MGAT4A: variants seen among roughly 807,000 people sequenced by gnomAD.
The protein encoded by MGAT4A is N-acetylglucosaminyltransferase IVa.
MGAT4A carries 33 observed loss-of-function variants against 74.1 expected under a neutral mutation model. That is an observed-to-expected ratio of 0.45 (90% CI 0.34 to 0.60). MGAT4A has a LOEUF of 0.60. MGAT4A is among the 20% of genes least tolerant of loss of function. The pLI is 0.02. For missense variants in MGAT4A, 479 were observed against 628.3 expected (o/e 0.76, Z 2.54); for synonymous variants, 198 against 210.4 (o/e 0.94, Z 0.51).
intron 14 of MGAT4A, among the ~76,000 whole-genome samples, chr2:98,631,940 C>T (rs997917168): frequency 6.6e-6 from 1 of 151,822 alleles, no homozygotes; most frequent in Non-Finnish European, 1.5e-5. Context: ...CGAAACCCCG[C>T]CTCTACCAAA....
rs139894649 is a variant in MGAT4A at position 98,657,049 on chromosome 2, G to T, written c.585-584C>A. On this transcript the variant is annotated intron_variant, in intron 6 of 15. Transcript: ENST00000393487. Reference sequence around the variant, plus strand: ...TGACGCCTAGTGGGTAGACATTAGGGATCCTGCCCCACATTCTACAATGCA... The same window carrying T: ...TGACGCCTAGTGGGTAGACATTAGGTATCCTGCCCCACATTCTACAATGCA... 4.6e-3 allele frequency among the ~76,000 whole-genome samples: 699 copies of T among 152,262 alleles called. 3 individuals carry two copies. The highest frequency in any genetic ancestry group is 0.02 in the Middle Eastern group (6 of 294).
chr2:98,640,032 A>G, intron 11 of MGAT4A, 31 bp from the exon 12 acceptor site: 1 of 1,571,658 alleles, frequency 6.4e-7, no homozygotes, highest in Non-Finnish European at 8.7e-7. Context: ...GCTATTAAAT[A>G]ATACACAGCT....
chr2:98,621,996 C>T lies in MGAT4A; in HGVS notation c.*3570G>A. 1.0e-6 allele frequency: 1 copy of T among 987,546 alleles called. No homozygotes were observed. Among genetic ancestry groups the T allele is most frequent in the Non-Finnish European group, 1.2e-6 (1 of 831,468 alleles). 61.2% of individuals were successfully genotyped at this position (987,546 alleles called of 1,614,324 possible). A position where few individuals can be genotyped will look rare whatever the true frequency, so the allele number is the denominator to read the frequency against. Reference sequence around the variant, plus strand: ...AATAATCCTTTGTGTTAACTTTTTCCAAAGCTTTTCAATCACACTGTCTGT... The same window carrying T: ...AATAATCCTTTGTGTTAACTTTTTCTAAAGCTTTTCAATCACACTGTCTGT... On this transcript the variant is annotated 3_prime_UTR_variant, in exon 16 of 16. Transcript: ENST00000393487.
At position 98,678,452 on chromosome 2, in the gene MGAT4A, T is replaced by C; in HGVS notation, c.114A>G (p.Gln38=). The change falls in exon 3 of 16, where the codon CAA becomes CAG. Residue 38 remains glutamine, a synonymous_variant. Transcript: ENST00000393487. ...QNGKEKLIAY[Q]REFLALKERL... ...GTTCTTTCAAAGCAAGGAATTCTCG[T>C]TGATAAGCAATCAGTTTTTCTAGAA... 1.9e-6 allele frequency: 3 copies of C among 1,577,864 alleles called. No homozygotes were observed. The highest frequency in any genetic ancestry group is 1.3e-5 in the African/African-American group (1 of 74,580).
intron 14 of MGAT4A, among the ~76,000 whole-genome samples, chr2:98,631,919 G>A (rs1701243069): frequency 6.6e-6 from 1 of 151,932 alleles, no homozygotes; most frequent in Non-Finnish European, 1.5e-5. Flanking sequence ...ACACCAGCCT[G>A]GCCAACATGG....
intron 2 of MGAT4A, among the ~76,000 whole-genome samples, chr2:98,704,643 C>A (rs530201507): frequency 6.6e-6 from 1 of 151,958 alleles, no homozygotes; most frequent in East Asian, 1.9e-4. Flanking sequence ...TGGCACATAC[C>A]TGTATAGTCC....
At chr2:98,710,697 A>G (rs1026725008) in intron 2 of MGAT4A, among the ~76,000 whole-genome samples, 18 of 151,928 alleles carry the variant, frequency 1.2e-4, no homozygotes, top group Non-Finnish European at 2.5e-4. Context: ...GCTAGTCTTG[A>G]CCTCCGGAAC....
chr2:98,704,334 C>A (rs952664036), intron 2 of MGAT4A, among the ~76,000 whole-genome samples: 1 of 152,184 alleles, frequency 6.6e-6, no homozygotes, highest in Admixed American at 6.5e-5. Context: ...ATTGCTTGAA[C>A]TCAGGAGTTT....
chr2:98,695,331 C>T (rs1702255923), intron 2 of MGAT4A: 2 of 177,910 alleles, frequency 1.1e-5, no homozygotes, highest in South Asian at 2.7e-4. Context: ...GCCACCGCAC[C>T]CAGCCCTAAA....
At chr2:98,714,233 C>A (rs1236397991) in intron 2 of MGAT4A, among the ~76,000 whole-genome samples, 1 of 152,190 alleles carries the variant, frequency 6.6e-6, no homozygotes, top group Non-Finnish European at 1.5e-5. Context: ...ACTACAGGCA[C>A]ATCCACCATG....
chr2:98,712,258 G>A (rs962550995), intron 2 of MGAT4A, among the ~76,000 whole-genome samples: 1 of 152,154 alleles, frequency 6.6e-6, no homozygotes, highest in Non-Finnish European at 1.5e-5. Flanking sequence ...ACCGCTTCTT[G>A]TGAGAATCCT....
intron 2 of MGAT4A, among the ~76,000 whole-genome samples, chr2:98,714,376 C>T (rs528833083): frequency 7.2e-5 from 11 of 152,258 alleles, no homozygotes; most frequent in Middle Eastern, 3.4e-3. Context: ...CATGAGCCAC[C>T]GCATCCTGCC....
In MGAT4A at chr2:98,624,601, A is replaced by T; in HGVS notation, c.*965T>A. 1.0e-6 allele frequency: 1 copy of T among 985,180 alleles called. No homozygotes were observed. Among genetic ancestry groups the T allele is most frequent in the Non-Finnish European group, 1.2e-6 (1 of 829,672 alleles). 61.0% of individuals were successfully genotyped at this position (985,180 alleles called of 1,614,324 possible). A position where few individuals can be genotyped will look rare whatever the true frequency, so the allele number is the denominator to read the frequency against. On this transcript the variant is annotated 3_prime_UTR_variant, in exon 16 of 16. Transcript: ENST00000393487. ...CCTAGAAAACATTTTGTCTGACGTCATAAAATGAGTGCAGATATAAAAGAA... is the reference window on the plus strand; with the variant it reads ...CCTAGAAAACATTTTGTCTGACGTCTTAAAATGAGTGCAGATATAAAAGAA...
chr2:98,655,360 CA>C, intron 8 of MGAT4A, 84 bp downstream of exon 8: 2 of 1,064,438 alleles, frequency 1.9e-6, no homozygotes, highest in Non-Finnish European at 2.7e-6. Flanking sequence ...TTTGCACTTT[CA>C]AAACTTCCTG....
chr2:98,722,305 T>C (rs945103637), intron 2 of MGAT4A, among the ~76,000 whole-genome samples: 10 of 152,236 alleles, frequency 6.6e-5, no homozygotes, highest in African/African-American at 2.4e-4. Flanking sequence ...CAAGGGACTA[T>C]TATTCAGCTG....
intron 4 of MGAT4A, among the ~76,000 whole-genome samples, chr2:98,665,969 A>C (rs564197655): frequency 3.3e-4 from 50 of 152,382 alleles, no homozygotes; most frequent in African/African-American, 1.2e-3. Context: ...GCATATAACA[A>C]AGTTTGTTTT....
At chr2:98,725,914 A>T (rs567742416) in intron 2 of MGAT4A, 57 of 393,850 alleles carry the variant, frequency 1.4e-4, no homozygotes, top group African/African-American at 1.1e-3. Flanking sequence ...TAAACACTTA[A>T]TTATGTTTAG....
chr2:98,655,873 C>T (rs977832123), intron 7 of MGAT4A: 3 of 185,052 alleles, frequency 1.6e-5, no homozygotes, highest in African/African-American at 2.4e-5. Context: ...GAAAAAAATT[C>T]TTAATACATA....
At chr2:98,629,954 G>C (rs1442608832) in intron 14 of MGAT4A, among the ~76,000 whole-genome samples, 1 of 152,164 alleles carries the variant, frequency 6.6e-6, no homozygotes, top group Non-Finnish European at 1.5e-5. Flanking sequence ...CTGAGGCAGA[G>C]AGAAATGCTT....
Sources: gnomAD v4.1 joint callset for allele counts (sites outside exome capture counted in the v4.1 genomes callset) on GRCh38, gnomAD v4.1.1 for gene constraint, MANE v1.5 for transcripts, NCBI Gene and HGNC (gene_info 2026-07-23, HGNC 2026-07-21) for gene names.